ENTREP2: variants seen among roughly 807,000 people sequenced by gnomAD.
ENTREP2 encodes protein ENTREP2.
At chr15:29,523,825 A>G in the ENTREP2 span, among the ~76,000 whole-genome samples, 1 of 152,106 alleles carries the variant, frequency 6.6e-6, no homozygotes. Context: ...GGACAACTAG[A>G]TAGCCACATG....
chr15:29,174,084 A>C, the ENTREP2 span, among the ~76,000 whole-genome samples: 1 of 152,200 alleles, frequency 6.6e-6, no homozygotes, highest in Admixed American at 6.5e-5. Flanking sequence ...AGGTGGAAAA[A>C]ACTCCAAAGA....
chr15:29,489,629 G>A, the ENTREP2 span, among the ~76,000 whole-genome samples: 2 of 152,186 alleles, frequency 1.3e-5, no homozygotes, highest in Admixed American at 1.3e-4. Context: ...AAGAACATAT[G>A]TATTTTACGC....
At chr15:29,382,884 A>G in the ENTREP2 span, among the ~76,000 whole-genome samples, 1 of 152,022 alleles carries the variant, frequency 6.6e-6, no homozygotes, top group East Asian at 1.9e-4. Context: ...CTCCAAGGAA[A>G]CTTCTCCCAA....
At chr15:29,592,293 T>G in the ENTREP2 span, among the ~76,000 whole-genome samples, 2 of 152,192 alleles carry the variant, frequency 1.3e-5, no homozygotes, top group African/African-American at 4.8e-5. Flanking sequence ...AGGTCTAGGT[T>G]CAGGGAAGGA....
At chr15:29,193,690 GA>G in the ENTREP2 span, among the ~76,000 whole-genome samples, 1 of 152,198 alleles carries the variant, frequency 6.6e-6, no homozygotes, top group African/African-American at 2.4e-5. Flanking sequence ...TCTGTCTGGA[GA>G]ATGGAAGACG....
chr15:29,371,349 AACACACACACACACACACAC>A, the ENTREP2 span, among the ~76,000 whole-genome samples: 1 of 133,892 alleles, frequency 7.5e-6, no homozygotes, highest in Non-Finnish European at 1.6e-5. Context: ...CACCCCCGCA[AACACACACACACACACACAC>A]ACACACACAC....
the ENTREP2 span, among the ~76,000 whole-genome samples, chr15:29,437,763 A>G: frequency 1.3e-5 from 2 of 152,224 alleles, no homozygotes; most frequent in African/African-American, 4.8e-5. Context: ...AACATTTTCA[A>G]GTAAGACAGC....
the ENTREP2 span, among the ~76,000 whole-genome samples, chr15:29,219,614 A>AAAATATATATATAT: frequency 2.6e-5 from 1 of 38,402 alleles, no homozygotes; most frequent in African/African-American, 7.6e-5. Context: ...GTGGTGCATA[A>AAAATATATATATAT]ATATATATAT....
At chr15:29,652,648 C>T in the ENTREP2 span, among the ~76,000 whole-genome samples, 7 of 152,366 alleles carry the variant, frequency 4.6e-5, no homozygotes, top group African/African-American at 7.2e-5. Context: ...GCATTCCCCC[C>T]AGGGCCAGCC....
chr15:29,269,494 G>C, the ENTREP2 span: 1 of 1,608,096 alleles, frequency 6.2e-7, no homozygotes, highest in East Asian at 2.2e-5. Flanking sequence ...GGCGGCCTGG[G>C]CCCGGCGGGC....
the ENTREP2 span, among the ~76,000 whole-genome samples, chr15:29,330,961 G>A: frequency 2.0e-5 from 3 of 152,110 alleles, no homozygotes; most frequent in Non-Finnish European, 2.9e-5. Context: ...CCCACAGTAA[G>A]TTGCTTTTAT....
the ENTREP2 span, among the ~76,000 whole-genome samples, chr15:29,440,900 A>C: frequency 6.6e-6 from 1 of 152,134 alleles, no homozygotes; most frequent in Non-Finnish European, 1.5e-5. Context: ...CATCCCAAAA[A>C]AGAACGTTCC....
the ENTREP2 span, among the ~76,000 whole-genome samples, chr15:29,438,945 G>A: frequency 6.6e-6 from 1 of 152,138 alleles, no homozygotes; most frequent in Non-Finnish European, 1.5e-5. Flanking sequence ...CCATGTACAT[G>A]TGTATTTCCC....
the ENTREP2 span, among the ~76,000 whole-genome samples, chr15:29,185,282 C>T: frequency 1.3e-5 from 2 of 152,094 alleles, no homozygotes; most frequent in East Asian, 3.9e-4. Context: ...CAGTGCCTAT[C>T]GGTTTCGGAA....
At chr15:29,163,204 A>C in the ENTREP2 span, among the ~76,000 whole-genome samples, 1 of 152,180 alleles carries the variant, frequency 6.6e-6, no homozygotes, top group South Asian at 2.1e-4. Context: ...GCTTACCCTA[A>C]TGAGAAGGAA....
chr15:29,130,173 C>G, the ENTREP2 span, among the ~76,000 whole-genome samples: 1 of 152,160 alleles, frequency 6.6e-6, no homozygotes, highest in East Asian at 1.9e-4. Context: ...GAGGTGGTTC[C>G]GAGACAAAGA....
chr15:29,210,380 C>G, the ENTREP2 span, among the ~76,000 whole-genome samples: 1 of 152,212 alleles, frequency 6.6e-6, no homozygotes, highest in East Asian at 1.9e-4. Flanking sequence ...GTCCCCAAGC[C>G]CTGGGCCACA....
chr15:29,385,878 T>C, the ENTREP2 span, among the ~76,000 whole-genome samples: 19,943 of 151,714 alleles, frequency 0.13, 2,217 homozygotes, highest in African/African-American at 0.3. Context: ...ATAGTGGGCA[T>C]GGACACAAGC....
the ENTREP2 span, chr15:29,136,948 C>T: frequency 1.8e-6 from 2 of 1,136,462 alleles, no homozygotes; most frequent in Non-Finnish European, 1.2e-6. Flanking sequence ...CACCGCCATG[C>T]CTGCAGGACC....
Sources: gnomAD v4.1 joint callset for allele counts (sites outside exome capture counted in the v4.1 genomes callset) on GRCh38, gnomAD v4.1.1 for gene constraint, MANE v1.5 for transcripts, NCBI Gene and HGNC (gene_info 2026-07-23, HGNC 2026-07-21) for gene names.